The following ERICH6B variants were observed in gnomAD, a reference collection of about 807,000 sequenced individuals.
The protein encoded by ERICH6B is glutamate-rich protein 6B.
A neutral mutation model predicts 80.0 loss-of-function variants in ERICH6B; 69 were observed. The ratio of observed to expected loss-of-function variants is 0.86; its 90% CI spans 0.71 to 1.05. The LOEUF (loss-of-function observed/expected upper bound fraction) is 1.05. Among genes scored for constraint, ERICH6B ranks in the 50% least tolerant of loss-of-function variants. The pLI, the probability that ERICH6B is intolerant of heterozygous loss-of-function variation, is 0.00. For synonymous variants in ERICH6B, 283 were observed against 291.9 expected (o/e 0.97, Z 0.31); for missense variants, 754 against 796.1 (o/e 0.95, Z 0.64).
chr13:45,581,838 A>G (rs1307898130), intron 5 of ERICH6B, among the ~76,000 whole-genome samples: 1 of 152,232 alleles, frequency 6.6e-6, no homozygotes, highest in African/African-American at 2.4e-5. Context: ...AACACTTGCC[A>G]TATCAGTGCC....
intron 8 of ERICH6B, among the ~76,000 whole-genome samples, chr13:45,571,944 A>C (rs551140965): frequency 6.6e-6 from 1 of 152,316 alleles, no homozygotes; most frequent in African/African-American, 2.4e-5. Flanking sequence ...TTGATTTCAG[A>C]TTTTGAGTCT....
chr13:45,590,596 A>G (rs892573538), intron 4 of ERICH6B, 53 bp downstream of exon 4: 1 of 1,505,092 alleles, frequency 6.6e-7, no homozygotes, highest in Non-Finnish European at 9.0e-7. Flanking sequence ...CTGCTGAAAC[A>G]TTGTCCCCAA....
intron 11 of ERICH6B, chr13:45,553,129 G>T (rs1352528585): frequency 5.6e-6 from 2 of 357,144 alleles, no homozygotes; most frequent in African/African-American, 2.2e-5. Context: ...TGGTATTTGT[G>T]CAGCCATATT....
At chr13:45,580,509 C>A in intron 6 of ERICH6B, 94 bp downstream of exon 6, 1 of 1,327,584 alleles carries the variant, frequency 7.5e-7, no homozygotes, top group Non-Finnish European at 1.1e-6. Flanking sequence ...AGCATGCTCT[C>A]CTTGGCTGGG....
intron 1 of ERICH6B, among the ~76,000 whole-genome samples, chr13:45,610,960 C>T (rs1185384523): frequency 6.6e-6 from 1 of 151,796 alleles, no homozygotes. Context: ...GAAGAGACAA[C>T]AAATAGTTAC....
intron 11 of ERICH6B, among the ~76,000 whole-genome samples, chr13:45,558,329 C>T (rs1874522917): frequency 6.6e-6 from 1 of 152,112 alleles, no homozygotes; most frequent in Admixed American, 6.6e-5. Context: ...GTTCTAGGAG[C>T]TTTCTGGAGG....
Position 45,550,266 on chromosome 13 carries a change from A to G in ERICH6B, c.1458T>C (p.Tyr486=), listed in dbSNP as rs1178780377. ...KLILYPNKNV[Y]QILFPDGTGQ... ...CTGTCCCATCAGGAAAGAGAATTTG[A>G]TAGACATTCTTGTTGGGGTAGAGAA... is the stretch of plus-strand genomic sequence containing the variant. Residue 486 remains tyrosine (Y), a synonymous_variant, in exon 12 of 15, where the codon TAT becomes TAC. Coordinates refer to ENST00000298738, the MANE Select transcript of ERICH6B (RefSeq NM_182542.3). The G allele has an allele frequency of 6.4e-7, 1 of 1,551,628 alleles. No individual in the cohort carries two copies. The highest frequency in any genetic ancestry group is 1.2e-5 in the South Asian group (1 of 84,052).
chr13:45,577,172 C>A (rs968634735), intron 7 of ERICH6B, among the ~76,000 whole-genome samples: 1 of 151,834 alleles, frequency 6.6e-6, no homozygotes, highest in Non-Finnish European at 1.5e-5. Flanking sequence ...CAATAAGACT[C>A]ATCCTGAGGG....
chr13:45,566,180 T>A lies in ERICH6B; in HGVS notation c.1187+2135A>T, dbSNP rs148646891. Among the ~76,000 whole-genome samples the A allele has an allele frequency of 2.5e-3, 378 of 152,288 alleles. 2 individuals carry two copies. Among genetic ancestry groups the A allele is most frequent in the Middle Eastern group, 6.8e-3 (2 of 294 alleles). On this transcript the variant is annotated intron_variant, in intron 9 of 14. Coordinates refer to ENST00000298738, the MANE Select transcript of ERICH6B (RefSeq NM_182542.3). ...AAGAAATTTCTAAGCAGCAAAGCAT[T>A]CAAGAGGTGACTTGGGTGCTGTTAA...
At chr13:45,578,269 C>T (rs554978202) in intron 7 of ERICH6B, among the ~76,000 whole-genome samples, 1 of 152,172 alleles carries the variant, frequency 6.6e-6, no homozygotes, top group Non-Finnish European at 1.5e-5. Flanking sequence ...GATGTTTCCT[C>T]TTAGTGATTT....
chr13:45,549,910 A>G lies in ERICH6B; in HGVS notation c.1629T>C (p.Asp543=). Reference sequence around the variant, plus strand: ...AAGCTTACCAGATATCACTATTTTCATCATAGAAGGTAGCATTGCCTGAGT... The same window carrying G: ...AAGCTTACCAGATATCACTATTTTCGTCATAGAAGGTAGCATTGCCTGAGT... ...INNSGNATFY[D]ENSDIWLNLS... Residue 543 remains aspartate, a synonymous_variant, in exon 13 of 15, where the codon GAT becomes GAC. Transcript: ENST00000298738. The G allele has an allele frequency of 1.9e-6, 3 of 1,551,046 alleles. No individual in the cohort carries two copies. Among genetic ancestry groups the G allele is most frequent in the Non-Finnish European group, 2.6e-6 (3 of 1,146,878 alleles).
intron 11 of ERICH6B, among the ~76,000 whole-genome samples, chr13:45,552,630 A>G (rs1874267206): frequency 6.6e-6 from 1 of 151,904 alleles, no homozygotes; most frequent in Non-Finnish European, 1.5e-5. Context: ...TTTTCTAACC[A>G]AGTGACCCAG....
At chr13:45,611,379 A>G (rs1237150566) in intron 1 of ERICH6B, among the ~76,000 whole-genome samples, 1 of 152,238 alleles carries the variant, frequency 6.6e-6, no homozygotes, top group Non-Finnish European at 1.5e-5. Flanking sequence ...GTGATTTGGC[A>G]TATCCCCAAA....
intron 5 of ERICH6B, among the ~76,000 whole-genome samples, chr13:45,583,763 C>A (rs140742102): frequency 2.6e-5 from 4 of 152,332 alleles, no homozygotes; most frequent in Non-Finnish European, 5.9e-5. Flanking sequence ...CTCTTGCCTG[C>A]TGCCATGTAA....
intron 9 of ERICH6B, among the ~76,000 whole-genome samples, chr13:45,566,015 T>C (rs886482313): frequency 6.6e-6 from 1 of 152,136 alleles, no homozygotes; most frequent in East Asian, 1.9e-4. Context: ...TGGTCTCAGA[T>C]GGAAATGAGG....
In ERICH6B at chr13:45,545,006, T is replaced by C. The variant is rs770162312; in HGVS notation, c.1647-21A>G. On this transcript the variant is annotated intron_variant, in intron 13 of 14. Coordinates refer to ENST00000298738, the MANE Select transcript of ERICH6B (RefSeq NM_182542.3). Reference sequence around the variant, plus strand: ...TCAACCTGGACCAGGAGAAAGCATGTCAGGCAGCCAGGGCGCTCAGCCCTG... The same window carrying C: ...TCAACCTGGACCAGGAGAAAGCATGCCAGGCAGCCAGGGCGCTCAGCCCTG... 1.9e-5 allele frequency: 29 copies of C among 1,545,274 alleles called. No homozygotes were observed. The South Asian group carries it at 3.5e-4, about 18-fold the overall frequency.
intron 8 of ERICH6B, among the ~76,000 whole-genome samples, chr13:45,573,987 G>A (rs1875277796): frequency 6.6e-6 from 1 of 151,884 alleles, no homozygotes; most frequent in Non-Finnish European, 1.5e-5. Context: ...TTAGTAATAC[G>A]GTGCTGTAGA....
At chr13:45,591,950 G>A (rs1228405125) in intron 3 of ERICH6B, among the ~76,000 whole-genome samples, 2 of 152,142 alleles carry the variant, frequency 1.3e-5, no homozygotes, top group Non-Finnish European at 2.9e-5. Flanking sequence ...ATTAAAATAG[G>A]TGCACAACTT....
rs538548116 is a variant in ERICH6B at position 45,596,259 on chromosome 13, T to C, written c.637+110A>G. ...AAACTAGAGTTACCATCCTTTGGGA[T>C]GCCCTCCTCCAGATACTCATCCCTT... On this transcript the variant is annotated intron_variant, in intron 3 of 14. Transcript: ENST00000298738. 109 of 1,321,400 alleles carry C rather than the reference T, an allele frequency of 8.2e-5. No individual in the cohort carries two copies. The African/African-American group carries it at 1.5e-3, about 18-fold the overall frequency. 81.9% of individuals were successfully genotyped at this position (1,321,400 alleles called of 1,614,324 possible). A position where few individuals can be genotyped will look rare whatever the true frequency, so the allele number is the denominator to read the frequency against.
Sources: allele counts gnomAD v4.1 joint callset (sites outside exome capture counted in the v4.1 genomes callset), GRCh38; gene constraint gnomAD v4.1.1; transcripts MANE v1.5; gene names NCBI Gene and HGNC (gene_info 2026-07-23, HGNC 2026-07-21).